The following PPARGC1A variants were observed in gnomAD, a reference collection of about 807,000 sequenced individuals.
PPARGC1A encodes peroxisome proliferator-activated receptor gamma coactivator 1-alpha.
A neutral mutation model predicts 88.7 loss-of-function variants in PPARGC1A; 25 were observed. That is an observed-to-expected ratio of 0.28 (90% CI 0.21 to 0.39). PPARGC1A has a LOEUF of 0.39. PPARGC1A is among the 10% of genes least tolerant of loss of function. The probability of loss-of-function intolerance (pLI) is 1.00; values close to 1 mark genes in which losing one functional copy is unlikely to be tolerated. For synonymous variants in PPARGC1A, 363 were observed against 355.6 expected, an observed-to-expected ratio of 1.02 and a Z score of -0.24; for missense variants, 880 against 968.7, an observed-to-expected ratio of 0.91 and a Z score of 1.22.
chr4:24,255,072 TC>T, the PPARGC1A span, among the ~76,000 whole-genome samples: 1 of 152,216 alleles, frequency 6.6e-6, no homozygotes, highest in Non-Finnish European at 1.5e-5. Flanking sequence ...TCATTCTTGT[TC>T]CCATTAATCA....
At chr4:24,091,772 G>A in the PPARGC1A span, 17 of 335,792 alleles carry the variant, frequency 5.1e-5, no homozygotes, top group Middle Eastern at 1.5e-3. Flanking sequence ...GCCATCAAGC[G>A]TCCAGAGATT....
chr4:23,970,544 G>A, the PPARGC1A span, among the ~76,000 whole-genome samples: 1 of 152,332 alleles, frequency 6.6e-6, no homozygotes, highest in South Asian at 2.1e-4. Context: ...TACTGAGGGG[G>A]TAGGTAACGG....
the PPARGC1A span, among the ~76,000 whole-genome samples, chr4:24,086,633 G>A: frequency 1.8e-4 from 28 of 152,204 alleles, no homozygotes; most frequent in East Asian, 5.8e-4. Flanking sequence ...ATGACCTTGC[G>A]TTGCAGGGCA....
At chr4:24,207,901 T>A in the PPARGC1A span, among the ~76,000 whole-genome samples, 1 of 152,106 alleles carries the variant, frequency 6.6e-6, no homozygotes, top group African/African-American at 2.4e-5. Flanking sequence ...AATGGAACAA[T>A]TAGACAATTC....
chr4:24,117,927 C>G, the PPARGC1A span, among the ~76,000 whole-genome samples: 1 of 152,066 alleles, frequency 6.6e-6, no homozygotes, highest in African/African-American at 2.4e-5. Context: ...TTTCTAATTC[C>G]CAGATCTCCA....
chr4:23,925,423 A>T, the PPARGC1A span, among the ~76,000 whole-genome samples: 1 of 152,236 alleles, frequency 6.6e-6, no homozygotes, highest in Non-Finnish European at 1.5e-5. Flanking sequence ...TCCAAACCCA[A>T]TGGTAAAATA....
the PPARGC1A span, among the ~76,000 whole-genome samples, chr4:24,087,995 T>G: frequency 6.6e-6 from 1 of 152,058 alleles, no homozygotes; most frequent in African/African-American, 2.4e-5. Flanking sequence ...CAAAGAGCAA[T>G]CCCATCACAT....
the PPARGC1A span, among the ~76,000 whole-genome samples, chr4:24,165,724 A>G: frequency 6.6e-6 from 1 of 152,130 alleles, no homozygotes; most frequent in Non-Finnish European, 1.5e-5. Flanking sequence ...TTAGGGTGCC[A>G]TGATCCATTA....
the PPARGC1A span, among the ~76,000 whole-genome samples, chr4:24,410,455 G>T: frequency 7.2e-5 from 11 of 152,284 alleles, no homozygotes; most frequent in South Asian, 6.2e-4. Context: ...AGTGCCCGCA[G>T]ACTCCTGCCC....
the PPARGC1A span, among the ~76,000 whole-genome samples, chr4:24,284,737 G>A: frequency 6.6e-6 from 1 of 152,140 alleles, no homozygotes; most frequent in South Asian, 2.1e-4. Context: ...CCTTAGAAAA[G>A]AAAGAAGAAG....
At chr4:24,211,744 C>T in the PPARGC1A span, among the ~76,000 whole-genome samples, 2 of 152,174 alleles carry the variant, frequency 1.3e-5, no homozygotes, top group African/African-American at 4.8e-5. Context: ...GGGAAATTAA[C>T]ACAGCTTACT....
At chr4:23,999,250 G>A in the PPARGC1A span, among the ~76,000 whole-genome samples, 1 of 152,204 alleles carries the variant, frequency 6.6e-6, no homozygotes, top group African/African-American at 2.4e-5. Context: ...TGATATGAAA[G>A]CATTGTCTGT....
chr4:24,040,453 C>T, the PPARGC1A span, among the ~76,000 whole-genome samples: 2 of 152,174 alleles, frequency 1.3e-5, no homozygotes, highest in Non-Finnish European at 2.9e-5. Context: ...CTCTGTCACT[C>T]TAATTGATTA....
the PPARGC1A span, among the ~76,000 whole-genome samples, chr4:23,972,811 G>A: frequency 4.6e-5 from 7 of 152,168 alleles, no homozygotes; most frequent in Non-Finnish European, 8.8e-5. Flanking sequence ...ATTAGAAAAC[G>A]GTAAGATATT....
At chr4:23,969,738 T>A in the PPARGC1A span, among the ~76,000 whole-genome samples, 1 of 152,160 alleles carries the variant, frequency 6.6e-6, no homozygotes, top group Non-Finnish European at 1.5e-5. Context: ...TCTGATGATT[T>A]ATTTCTTTCT....
At chr4:23,812,559 T>C (rs2109446102) in intron 10 of PPARGC1A, among the ~76,000 whole-genome samples, 188 bp downstream of exon 10, 1 of 152,200 alleles carries the variant, frequency 6.6e-6, no homozygotes, top group South Asian at 2.1e-4. Flanking sequence ...GACTTAAACA[T>C]TTTGTTTTCC....
At chr4:24,032,086 C>T in the PPARGC1A span, among the ~76,000 whole-genome samples, 1 of 152,174 alleles carries the variant, frequency 6.6e-6, no homozygotes, top group Admixed American at 6.5e-5. Flanking sequence ...ATTGATTTAG[C>T]AGCGATATAG....
the PPARGC1A span, among the ~76,000 whole-genome samples, chr4:24,132,245 A>G: frequency 6.6e-5 from 10 of 151,992 alleles, no homozygotes; most frequent in South Asian, 6.2e-4. Context: ...ATAAGGCCAC[A>G]TCTTCCAGTC....
the PPARGC1A span, among the ~76,000 whole-genome samples, chr4:23,969,075 T>C: frequency 6.6e-6 from 1 of 152,110 alleles, no homozygotes; most frequent in African/African-American, 2.4e-5. Context: ...AGATTCTAAT[T>C]TTCCTGACGA....
Sources: allele counts gnomAD v4.1 joint callset (sites outside exome capture counted in the v4.1 genomes callset), GRCh38; gene constraint gnomAD v4.1.1; transcripts MANE v1.5; gene names NCBI Gene and HGNC (gene_info 2026-07-23, HGNC 2026-07-21).